Variants in MSRA observed in about 807,000 individuals in gnomAD.
The protein encoded by MSRA is mitochondrial peptide methionine sulfoxide reductase.
A neutral mutation model predicts 31.3 loss-of-function variants in MSRA; 54 were observed. The observed-to-expected ratio is 1.73, with a 90% CI of 1.39 to 2.17. The LOEUF is 2.17. MSRA is among the 30% of genes most tolerant of loss of function. The probability of loss-of-function intolerance (pLI) is 0.00; values close to 1 mark genes in which losing one functional copy is unlikely to be tolerated. For missense variants in MSRA, 507 were observed against 300.9 expected (o/e 1.69, Z -5.07); for synonymous variants, 169 against 116.5 (o/e 1.45, Z -2.90).
intron 5 of MSRA, among the ~76,000 whole-genome samples, chr8:10,342,621 C>G (rs546063295): frequency 6.6e-6 from 1 of 152,224 alleles, no homozygotes; most frequent in Non-Finnish European, 1.5e-5. Flanking sequence ...CGTTGTATCA[C>G]TGAGCAGCAC....
intron 1 of MSRA, among the ~76,000 whole-genome samples, chr8:10,154,612 C>T (rs1353946045): frequency 2.6e-5 from 4 of 152,054 alleles, no homozygotes; most frequent in Admixed American, 2.6e-4. Context: ...CACCTGACCT[C>T]GTGATCCACC....
chr8:10,332,096 G>C (rs1231268152), intron 5 of MSRA, among the ~76,000 whole-genome samples: 3 of 152,126 alleles, frequency 2.0e-5, no homozygotes, highest in Non-Finnish European at 2.9e-5. Flanking sequence ...GTCATGAATT[G>C]AGAAAATGTC....
chr8:10,404,279 C>T (rs757834220), intron 5 of MSRA, among the ~76,000 whole-genome samples: 2 of 152,144 alleles, frequency 1.3e-5, no homozygotes, highest in Non-Finnish European at 2.9e-5. Context: ...GCTCCCACCT[C>T]CAGAGAAGCG....
intron 1 of MSRA, among the ~76,000 whole-genome samples, chr8:10,203,803 T>C (rs1401529099): frequency 1.3e-5 from 2 of 152,202 alleles, no homozygotes; most frequent in African/African-American, 2.4e-5. Flanking sequence ...ATTGTTACCA[T>C]AGGAGATGAC....
At chr8:10,130,373 A>C (rs80168640) in intron 1 of MSRA, among the ~76,000 whole-genome samples, 372 of 152,312 alleles carry the variant, frequency 2.4e-3, no homozygotes, top group African/African-American at 8.3e-3. Flanking sequence ...TGTTGACTGC[A>C]TGTTGATCCC....
intron 3 of MSRA, among the ~76,000 whole-genome samples, chr8:10,288,231 T>G (rs1291261032): frequency 1.3e-5 from 2 of 152,154 alleles, no homozygotes; most frequent in East Asian, 3.9e-4. Flanking sequence ...CTCTCTTGTC[T>G]CCCCCAGTCC....
chr8:10,242,093 G>A (rs573222245), intron 2 of MSRA, among the ~76,000 whole-genome samples: 37 of 152,086 alleles, frequency 2.4e-4, no homozygotes, highest in African/African-American at 8.2e-4. Flanking sequence ...CCAACATGGC[G>A]AAACCCCATC....
chr8:10,242,270 CA>C (rs11368200), intron 2 of MSRA, among the ~76,000 whole-genome samples: 84,975 of 138,694 alleles, frequency 0.61, 25,785 homozygotes, highest in Non-Finnish European at 0.71. Context: ...GACTCCATCT[CA>C]AAAAAAAAAA....
chr8:10,177,333 A>G (rs559361095), intron 1 of MSRA, among the ~76,000 whole-genome samples: 134 of 152,376 alleles, frequency 8.8e-4, no homozygotes, highest in Non-Finnish European at 1.3e-3. Context: ...AACTGACAAC[A>G]CACTGATGGA....
chr8:10,233,456 A>G (rs924988837), intron 2 of MSRA, among the ~76,000 whole-genome samples: 3 of 152,260 alleles, frequency 2.0e-5, no homozygotes, highest in Admixed American at 6.5e-5. Flanking sequence ...TAGGATGTTC[A>G]AAGAGGTCAG....
At chr8:10,415,943 C>A (rs913594134) in intron 5 of MSRA, among the ~76,000 whole-genome samples, 3 of 152,086 alleles carry the variant, frequency 2.0e-5, no homozygotes, top group Non-Finnish European at 4.4e-5. Flanking sequence ...TTCCGCACAT[C>A]CCCTCTGCCT....
intron 1 of MSRA, among the ~76,000 whole-genome samples, chr8:10,075,834 G>A (rs1232970198): frequency 6.6e-6 from 1 of 152,156 alleles, no homozygotes; most frequent in African/African-American, 2.4e-5. Context: ...TTTCTCCCAT[G>A]GGTACCACTT....
At chr8:10,349,789 T>C (rs1341410132) in intron 5 of MSRA, among the ~76,000 whole-genome samples, 16 of 152,268 alleles carry the variant, frequency 1.1e-4, no homozygotes, top group Admixed American at 1.0e-3. Flanking sequence ...GTTGCTGTTT[T>C]GGCCCCTCTA....
chr8:10,395,716 C>G (rs1374298593), intron 5 of MSRA, among the ~76,000 whole-genome samples: 1 of 152,182 alleles, frequency 6.6e-6, no homozygotes, highest in Non-Finnish European at 1.5e-5. Context: ...TTCATCCTAG[C>G]TACAGAAAGT....
chr8:10,131,665 T>C (rs1801907937), intron 1 of MSRA, among the ~76,000 whole-genome samples: 1 of 152,138 alleles, frequency 6.6e-6, no homozygotes, highest in Admixed American at 6.5e-5. Context: ...CCTGGGAAGC[T>C]CTCCATACCC....
At chr8:10,302,894 C>G (rs138532504) in intron 4 of MSRA, among the ~76,000 whole-genome samples, 17 of 152,108 alleles carry the variant, frequency 1.1e-4, no homozygotes, top group Non-Finnish European at 2.2e-4. Flanking sequence ...AGAAGGTTCA[C>G]GTGTCACCCT....
At position 10,149,208 on chromosome 8, in the gene MSRA, G is replaced by T. The variant is rs190631581; in HGVS notation, c.143-58625G>T. Among the ~76,000 whole-genome samples, 563 of 151,524 alleles carry T rather than the reference G, an allele frequency of 3.7e-3. 5 individuals are homozygous for T. The highest frequency in any genetic ancestry group is 0.012 in the African/African-American group (507 of 41,232). On this transcript the variant is annotated intron_variant, in intron 1 of 5. Transcript: ENST00000317173. Reference sequence around the variant, plus strand: ...ACAGTCTCGGCTCACTGCAACTTCCGCCTCCCGGGTTCAAGCAATTCTCCT... The same window carrying T: ...ACAGTCTCGGCTCACTGCAACTTCCTCCTCCCGGGTTCAAGCAATTCTCCT...
intron 1 of MSRA, among the ~76,000 whole-genome samples, chr8:10,080,027 C>A (rs925423196): frequency 2.6e-5 from 4 of 152,194 alleles, no homozygotes; most frequent in Admixed American, 2.6e-4. Context: ...AATCTCCTTT[C>A]CTCAGAAGCT....
intron 1 of MSRA, among the ~76,000 whole-genome samples, chr8:10,156,522 C>T (rs1329877791): frequency 6.6e-6 from 1 of 152,044 alleles, no homozygotes; most frequent in Admixed American, 6.5e-5. Context: ...GTATTCAATG[C>T]TATATCGTTT....
Sources: allele counts gnomAD v4.1 joint callset (sites outside exome capture counted in the v4.1 genomes callset), GRCh38; gene constraint gnomAD v4.1.1; transcripts MANE v1.5; gene names NCBI Gene and HGNC (gene_info 2026-07-23, HGNC 2026-07-21).